KLHDC10: variants seen among roughly 807,000 people sequenced by gnomAD.
KLHDC10 encodes the protein kelch domain-containing protein 10.
In KLHDC10, 24 loss-of-function variants were observed where a neutral mutation model predicts 56.1. That is an observed-to-expected ratio of 0.43 (90% confidence interval 0.31 to 0.60). KLHDC10 has a LOEUF of 0.60. KLHDC10 is among the 20% of genes least tolerant of loss of function. The pLI is 0.11. For synonymous variants in KLHDC10, 188 were observed against 207.1 expected (o/e 0.91, Z 0.79); for missense variants, 349 against 567.0 (o/e 0.62, Z 3.91).
chr7:130,087,469 C>T (rs915408797), intron 1 of KLHDC10, among the ~76,000 whole-genome samples: 3 of 151,908 alleles, frequency 2.0e-5, no homozygotes, highest in Admixed American at 6.6e-5. Flanking sequence ...AGCATTAAAG[C>T]GTCATAAGGC....
chr7:130,076,134 C>T (rs1795499585), intron 1 of KLHDC10, among the ~76,000 whole-genome samples: 2 of 152,108 alleles, frequency 1.3e-5, no homozygotes, highest in Admixed American at 1.3e-4. Context: ...AGTGCACAGC[C>T]TAGATCCCTT....
At chr7:130,115,394 T>C (rs753285757) in intron 2 of KLHDC10, among the ~76,000 whole-genome samples, 2 of 152,060 alleles carry the variant, frequency 1.3e-5, no homozygotes, top group Non-Finnish European at 2.9e-5. Context: ...TTTTTTTTAC[T>C]CTAAAATAAC....
intron 1 of KLHDC10, among the ~76,000 whole-genome samples, chr7:130,076,006 C>T (rs910235054): frequency 2.0e-5 from 3 of 151,448 alleles, no homozygotes; most frequent in Admixed American, 2.0e-4. Flanking sequence ...CACCAGGGAC[C>T]AGTTTCGTGG....
chr7:130,106,872 G>A (rs1331075347), intron 2 of KLHDC10, among the ~76,000 whole-genome samples: 1 of 152,152 alleles, frequency 6.6e-6, no homozygotes. Flanking sequence ...TTGGGAGGCT[G>A]AGATGAGAGG....
At chr7:130,113,299 A>G (rs1796125064) in intron 2 of KLHDC10, among the ~76,000 whole-genome samples, 1 of 150,894 alleles carries the variant, frequency 6.6e-6, no homozygotes, top group South Asian at 2.1e-4. Flanking sequence ...AGCACAGTAC[A>G]TGGTACTTAG....
chr7:130,088,362 C>A (rs1462537182), intron 1 of KLHDC10, among the ~76,000 whole-genome samples: 2 of 151,572 alleles, frequency 1.3e-5, no homozygotes, highest in African/African-American at 4.8e-5. Context: ...GCAACCTCTG[C>A]CTCCTGGGTT....
intron 5 of KLHDC10, among the ~76,000 whole-genome samples, chr7:130,123,524 T>TC (rs1434757971): frequency 2.0e-5 from 3 of 152,082 alleles, no homozygotes; most frequent in African/African-American, 7.2e-5. Flanking sequence ...AGATTTTTTT[T>TC]CCCCTCCAGT....
chr7:130,097,387 A>T (rs1422243744), intron 2 of KLHDC10, among the ~76,000 whole-genome samples: 1 of 152,166 alleles, frequency 6.6e-6, no homozygotes, highest in East Asian at 1.9e-4. Context: ...TAATGGTATA[A>T]AATAAAAAAC....
intron 6 of KLHDC10, 68 bp downstream of exon 6, chr7:130,124,603 A>C: frequency 2.5e-6 from 2 of 792,278 alleles, no homozygotes; most frequent in Non-Finnish European, 4.4e-6. Flanking sequence ...TCAACCAAGC[A>C]AGATAATTCT....
intron 1 of KLHDC10, among the ~76,000 whole-genome samples, chr7:130,088,629 T>TTTTC (rs538858281): frequency 2.6e-4 from 40 of 151,050 alleles, no homozygotes; most frequent in East Asian, 5.8e-4. Context: ...TTGTTTTTCT[T>TTTTC]TTTCTTTCTT....
chr7:130,124,685 AGGTCGAACCCT>A (rs1222397698), intron 6 of KLHDC10, 150 bp downstream of exon 6: 1 of 548,630 alleles, frequency 1.8e-6, no homozygotes, highest in Non-Finnish European at 3.3e-6. Context: ...GCACTTTATA[AGGTCGAACCCT>A]GTGCCCCAAA....
intron 1 of KLHDC10, among the ~76,000 whole-genome samples, chr7:130,089,283 G>A (rs898111355): frequency 9.9e-5 from 15 of 151,896 alleles, no homozygotes; most frequent in Non-Finnish European, 1.8e-4. Flanking sequence ...GTGAAACCCC[G>A]GCCCCATCTC....
chr7:130,113,742 A>G (rs113304866), intron 2 of KLHDC10, among the ~76,000 whole-genome samples: 2,177 of 152,332 alleles, frequency 0.014, 45 homozygotes, highest in African/African-American at 0.049. Context: ...ATAGTTGGCA[A>G]TAAACTTATA....
chr7:130,080,229 A>G (rs1239974907), intron 1 of KLHDC10, among the ~76,000 whole-genome samples: 1 of 152,104 alleles, frequency 6.6e-6, no homozygotes, highest in African/African-American at 2.4e-5. Context: ...GGCATGAGCC[A>G]CTGTGCCTGG....
intron 1 of KLHDC10, among the ~76,000 whole-genome samples, chr7:130,096,659 C>T (rs1795853268): frequency 6.6e-6 from 1 of 152,156 alleles, no homozygotes; most frequent in Non-Finnish European, 1.5e-5. Flanking sequence ...ATTGAGTGCA[C>T]ATGCTATTGA....
intron 1 of KLHDC10, chr7:130,094,907 A>C (rs1441543507): frequency 6.6e-6 from 1 of 152,166 alleles, no homozygotes; most frequent in African/African-American, 2.4e-5. Flanking sequence ...ATAGATTCCT[A>C]GAAGTGGAAT....
chr7:130,115,744 A>C (rs1796159155), intron 2 of KLHDC10, among the ~76,000 whole-genome samples: 1 of 151,018 alleles, frequency 6.6e-6, no homozygotes, highest in Non-Finnish European at 1.5e-5. Context: ...AAGTTGATAT[A>C]ATTTAGACTT....
At chr7:130,103,000 T>A (rs1795954571) in intron 2 of KLHDC10, among the ~76,000 whole-genome samples, 1 of 152,132 alleles carries the variant, frequency 6.6e-6, no homozygotes, top group Non-Finnish European at 1.5e-5. Context: ...ATTTGCAGAC[T>A]ATAAAGAAGA....
intron 1 of KLHDC10, among the ~76,000 whole-genome samples, chr7:130,089,270 A>G (rs1392556440): frequency 1.3e-5 from 2 of 152,166 alleles, no homozygotes; most frequent in Admixed American, 1.3e-4. Flanking sequence ...CCTGGGTAAC[A>G]TGGTGAAACC....
Sources: gnomAD v4.1 joint callset for allele counts (sites outside exome capture counted in the v4.1 genomes callset) on GRCh38, gnomAD v4.1.1 for gene constraint, MANE v1.5 for transcripts, NCBI Gene and HGNC (gene_info 2026-07-23, HGNC 2026-07-21) for gene names.